Variants in LRP2BP observed in about 807,000 individuals in gnomAD.
LRP2BP encodes LRP2-binding protein.
LRP2BP carries 38 observed loss-of-function variants against 45.2 expected under a neutral mutation model. That is an observed-to-expected ratio of 0.84 (90% CI 0.65 to 1.10). The LOEUF (loss-of-function observed/expected upper bound fraction) is 1.10. LRP2BP is among the 50% of genes least tolerant of loss of function. LRP2BP has a pLI of 0.00. For synonymous variants in LRP2BP, 153 were observed against 153.9 expected (o/e 0.99, Z 0.04); for missense variants, 385 against 418.9 (o/e 0.92, Z 0.71).
chr4:185,392,468 A>G (rs891551624), intron 1 of LRP2BP, among the ~76,000 whole-genome samples: 7 of 152,360 alleles, frequency 4.6e-5, no homozygotes, highest in Admixed American at 3.3e-4. Context: ...TTTATGTTAA[A>G]GAGAAAGAAT....
intron 2 of LRP2BP, chr4:185,377,508 A>G: frequency 6.0e-6 from 1 of 167,334 alleles, no homozygotes; most frequent in Non-Finnish European, 1.3e-5. Context: ...ACAAGAGCGA[A>G]ACTCCATCTC....
chr4:185,369,926 A>G, intron 8 of LRP2BP: 1 of 292,198 alleles, frequency 3.4e-6, no homozygotes, highest in Non-Finnish European at 6.7e-6. Flanking sequence ...TCCCCCACTC[A>G]GGCTGAACAA....
intron 1 of LRP2BP, among the ~76,000 whole-genome samples, chr4:185,386,885 T>A (rs1248361525): frequency 1.3e-5 from 2 of 152,098 alleles, no homozygotes; most frequent in Non-Finnish European, 2.9e-5. Context: ...TGTACGTACA[T>A]GATGTTTACT....
Position 185,372,796 on chromosome 4 carries a change from A to T in LRP2BP, c.803+60T>A, listed in dbSNP as rs2095420265. On this transcript the variant is annotated intron_variant, in intron 7 of 8. Transcript: ENST00000505916. ...TGTGAGAAATAAATTTCTGTTTCTC[A>T]TAAATTACCTAGTGTGTGATATTCT... 1.1e-5 allele frequency: 15 copies of T among 1,396,922 alleles called. No individual in the cohort carries two copies. In the South Asian group the frequency reaches 2.0e-4, roughly 19 times the overall value. 86.5% of individuals were successfully genotyped at this position (1,396,922 alleles called of 1,614,324 possible).
chr4:185,386,775 T>C (rs934412738), intron 1 of LRP2BP, among the ~76,000 whole-genome samples: 2 of 152,204 alleles, frequency 1.3e-5, no homozygotes, highest in Non-Finnish European at 2.9e-5. Context: ...GTAGTTGCTT[T>C]GGACTTACTG....
intron 1 of LRP2BP, among the ~76,000 whole-genome samples, chr4:185,392,824 G>A (rs748795740): frequency 1.3e-5 from 2 of 152,180 alleles, no homozygotes; most frequent in Non-Finnish European, 2.9e-5. Context: ...CAATAAACAA[G>A]ACATCATATT....
chr4:185,373,133 A>G (rs185869063), intron 6 of LRP2BP, 54 bp from the exon 7 acceptor site: 1 of 1,473,134 alleles, frequency 6.8e-7, no homozygotes, highest in East Asian at 2.3e-5. Context: ...ATGAAATTAT[A>G]AGGGAATACT....
At chr4:185,396,997 A>G (rs369509687), upstream of LRP2BP, 12 of 1,612,388 alleles carry the variant, frequency 7.4e-6, no homozygotes, top group Admixed American at 8.3e-5. Flanking sequence ...TGCAGGCTCA[A>G]GCTTCTAGAT....
In LRP2BP at chr4:185,367,230, G is replaced by T. The variant is rs879020460; in HGVS notation, c.994C>A (p.Pro332Thr). 2 of 1,611,772 alleles carry T rather than the reference G, an allele frequency of 1.2e-6. No individual in the cohort carries two copies. Among genetic ancestry groups the T allele is most frequent in the South Asian group, 1.1e-5 (1 of 90,802 alleles). ...HYYSKACRLN[P>T]ALADELHSLL... Reference sequence around the variant, plus strand: ...GAGTGAAGTTCATCTGCCAATGCGGGATTCAGACGACAAGCCTTAAAATCA... The same window carrying T: ...GAGTGAAGTTCATCTGCCAATGCGGTATTCAGACGACAAGCCTTAAAATCA... The change falls in exon 9 of 9, where the codon CCC becomes ACC. Residue 332 changes from proline to threonine, a missense_variant. Pro to Thr is a conservative substitution (Grantham distance 38). Coordinates refer to ENST00000505916, the MANE Select transcript of LRP2BP (RefSeq NM_001377440.1).
intron 1 of LRP2BP, among the ~76,000 whole-genome samples, chr4:185,387,023 A>C (rs2095473732): frequency 6.6e-6 from 1 of 152,232 alleles, no homozygotes; most frequent in African/African-American, 2.4e-5. Flanking sequence ...AGGTGGGCAG[A>C]TCACCTGAGG....
In LRP2BP at chr4:185,370,760, GT is replaced by G; in HGVS notation, c.857del (p.Asp286AlafsTer45). The G allele has an allele frequency of 6.2e-7, 1 of 1,614,156 alleles. No homozygotes were observed. Among genetic ancestry groups the G allele is most frequent in the Non-Finnish European group, 8.5e-7 (1 of 1,180,022 alleles). On this transcript the variant is annotated frameshift_variant, in exon 8 of 9. Coordinates refer to ENST00000505916, the MANE Select transcript of LRP2BP (RefSeq NM_001377440.1). LOFTEE classifies it high-confidence loss of function. ...CTCTGCCGATGAACTCCGGGAGACA[GT>G]CTGTGACCTGGGCGATCATGGGGAT... ...HDIPMIAQVT[D>X]CLPEFIGRGM...
chr4:185,387,244 C>CA (rs941901146), intron 1 of LRP2BP, among the ~76,000 whole-genome samples: 2 of 152,066 alleles, frequency 1.3e-5, no homozygotes, highest in African/African-American at 2.4e-5. Context: ...AACAAACCAA[C>CA]AAAAAACCAC....
chr4:185,388,509 G>GCTAT (rs1344444764), intron 1 of LRP2BP, among the ~76,000 whole-genome samples: 13 of 133,220 alleles, frequency 9.8e-5, no homozygotes, highest in Admixed American at 9.2e-4. Context: ...GCCTACCTAG[G>GCTAT]CTATCTATCT....
upstream of LRP2BP, chr4:185,396,689 T>G: frequency 1.9e-6 from 1 of 534,600 alleles, no homozygotes; most frequent in Non-Finnish European, 3.3e-6. Context: ...CACGTGCCAG[T>G]GTTTGTGTAC....
chr4:185,373,426 G>A (rs1366285850), intron 6 of LRP2BP, among the ~76,000 whole-genome samples: 1 of 152,188 alleles, frequency 6.6e-6, no homozygotes, highest in Non-Finnish European at 1.5e-5. Context: ...GCACAGCAGA[G>A]GAGGGGAAAC....
chr4:185,365,245 C>G lies in LRP2BP; in HGVS notation c.*1935G>C, dbSNP rs1044897702. ...AAGACATATAAGCATAGCATGTTAC[C>G]ATGTATGGCACACGTCAAAGTTTAT... On this transcript the variant is annotated 3_prime_UTR_variant, in exon 9 of 9. Coordinates refer to ENST00000505916, the MANE Select transcript of LRP2BP (RefSeq NM_001377440.1). 3 of 152,104 alleles carry G rather than the reference C, an allele frequency of 2.0e-5. No individual in the cohort carries two copies. The highest frequency in any genetic ancestry group is 7.2e-5 in the African/African-American group (3 of 41,408). The allele number at this position is 152,104 out of a possible 1,614,324, so 9.4% of individuals were successfully genotyped here. A position where few individuals can be genotyped will look rare whatever the true frequency, so the allele number is the denominator to read the frequency against.
rs1481175499 is a variant in LRP2BP at position 185,364,560 on chromosome 4, A to AT, written c.*2619dup. ...GCCAGTTTATATACGTATGATATAC[A>AT]TATCATACCTGCTAACTTCTTGATA... On this transcript the variant is annotated 3_prime_UTR_variant, in exon 9 of 9. Coordinates refer to ENST00000505916, the MANE Select transcript of LRP2BP (RefSeq NM_001377440.1). 1.3e-5 allele frequency: 2 copies of AT among 152,246 alleles called. No individual in the cohort carries two copies. The highest frequency in any genetic ancestry group is 2.4e-5 in the African/African-American group (1 of 41,474). The allele number at this position is 152,246 out of a possible 1,614,324, so 9.4% of individuals were successfully genotyped here. A position where few individuals can be genotyped will look rare whatever the true frequency, so the allele number is the denominator to read the frequency against.
chr4:185,378,430 A>T, intron 1 of LRP2BP: 1 of 1,327,158 alleles, frequency 7.5e-7, no homozygotes, highest in Non-Finnish European at 9.6e-7. Flanking sequence ...TTTCCACAGC[A>T]TCGCATTCAC....
intron 1 of LRP2BP, among the ~76,000 whole-genome samples, chr4:185,393,474 A>C (rs2126854993): frequency 6.6e-6 from 1 of 152,244 alleles, no homozygotes; most frequent in East Asian, 1.9e-4. Flanking sequence ...AACTACTTTT[A>C]ATAATTTTCA....
Sources: allele counts gnomAD v4.1 joint callset (sites outside exome capture counted in the v4.1 genomes callset), GRCh38; gene constraint gnomAD v4.1.1; transcripts MANE v1.5; gene names NCBI Gene and HGNC (gene_info 2026-07-23, HGNC 2026-07-21).